NCALD: variants seen among roughly 807,000 people sequenced by gnomAD.
The protein encoded by NCALD is neurocalcin-delta.
NCALD carries 10 observed loss-of-function variants against 18.6 expected under a neutral mutation model. The observed-to-expected ratio is 0.54, with a 90% CI of 0.33 to 0.91. The LOEUF is 0.91. Among genes scored for constraint, NCALD ranks in the 40% least tolerant of loss-of-function variants. NCALD has a pLI of 0.03. For synonymous variants in NCALD, 88 were observed against 87.4 expected (o/e 1.01, Z -0.04); for missense variants, 184 against 247.6 (o/e 0.74, Z 1.72).
intron 2 of NCALD, 174 bp from the exon 3 acceptor site, chr8:101,693,070 C>A: frequency 1.9e-6 from 1 of 521,696 alleles, no homozygotes; most frequent in South Asian, 2.1e-5. Flanking sequence ...AAGCCGGGCC[C>A]ACAAAGCTTG....
intron 2 of NCALD, among the ~76,000 whole-genome samples, chr8:101,928,930 C>T (rs1407604344): frequency 5.3e-5 from 8 of 151,724 alleles, no homozygotes; most frequent in Admixed American, 2.6e-4. Flanking sequence ...GAAAGGGAGG[C>T]GTGCAGGGTG....
chr8:101,891,005 C>T (rs1381574723), intron 3 of NCALD, among the ~76,000 whole-genome samples: 2 of 152,160 alleles, frequency 1.3e-5, no homozygotes, highest in Non-Finnish European at 2.9e-5. Flanking sequence ...AGCTTGGGTA[C>T]ACCTTAGAAA....
chr8:102,034,563 A>T (rs750857909), intron 1 of NCALD, among the ~76,000 whole-genome samples: 9 of 152,190 alleles, frequency 5.9e-5, no homozygotes, highest in Admixed American at 1.3e-4. Context: ...GCAGCATGAC[A>T]CATTTCTCAG....
Position 101,688,634 on chromosome 8 carries a change from C to A in NCALD, c.*675G>T, listed in dbSNP as rs1034304375. The stretch of plus-strand genomic sequence containing the variant: ...ATGGGTCTGGTTTTGGAATATGTTA[C>A]CATTTGTGTTTAATTTCCAAAGACA... On this transcript the variant is annotated 3_prime_UTR_variant, in exon 4 of 4. Coordinates refer to ENST00000220931, the MANE Select transcript of NCALD (RefSeq NM_032041.3). The A allele has an allele frequency of 2.8e-5, 13 of 458,578 alleles. No homozygotes were observed. The highest frequency in any genetic ancestry group is 5.7e-5 in the Non-Finnish European group (13 of 228,496). 28.4% of individuals were successfully genotyped at this position (458,578 alleles called of 1,614,324 possible). A position where few individuals can be genotyped will look rare whatever the true frequency, so the allele number is the denominator to read the frequency against.
At chr8:101,787,839 C>G (rs542011779) in intron 1 of NCALD, among the ~76,000 whole-genome samples, 8 of 152,286 alleles carry the variant, frequency 5.3e-5, no homozygotes, top group African/African-American at 1.9e-4. Context: ...TCAATTCACA[C>G]GTGTATGTGC....
At chr8:101,900,534 T>C (rs113075862) in intron 3 of NCALD, among the ~76,000 whole-genome samples, 1,595 of 152,108 alleles carry the variant, frequency 0.01, 9 homozygotes, top group Non-Finnish European at 0.014. Context: ...CTGAGTCACA[T>C]AAATTTTGAT....
At chr8:101,697,071 G>T (rs1317914528) in intron 2 of NCALD, among the ~76,000 whole-genome samples, 3 of 151,232 alleles carry the variant, frequency 2.0e-5, no homozygotes, top group Non-Finnish European at 4.4e-5. Context: ...GAAGAAAAGA[G>T]AGAATAATCA....
intron 2 of NCALD, among the ~76,000 whole-genome samples, chr8:101,933,606 T>C (rs1000038500): frequency 6.6e-6 from 1 of 152,364 alleles, no homozygotes; most frequent in East Asian, 1.9e-4. Context: ...CCTCTCATCC[T>C]GCAACTGCCT....
chr8:101,826,495 T>A (rs546871722), intron 4 of NCALD, among the ~76,000 whole-genome samples: 1 of 152,342 alleles, frequency 6.6e-6, no homozygotes, highest in African/African-American at 2.4e-5. Flanking sequence ...GTTTTTAGCA[T>A]CATGCATAGT....
intron 4 of NCALD, among the ~76,000 whole-genome samples, chr8:101,824,427 A>G (rs1370890264): frequency 6.6e-6 from 1 of 152,154 alleles, no homozygotes; most frequent in Admixed American, 6.5e-5. Context: ...TCCCTTAATA[A>G]CAACTGTAGA....
intron 2 of NCALD, among the ~76,000 whole-genome samples, chr8:101,942,309 C>T (rs1818989976): frequency 6.6e-6 from 1 of 152,152 alleles, no homozygotes; most frequent in African/African-American, 2.4e-5. Flanking sequence ...TATTCAACAC[C>T]AATCTTGAGG....
At chr8:101,978,369 T>C (rs1241782683) in intron 2 of NCALD, among the ~76,000 whole-genome samples, 1 of 152,246 alleles carries the variant, frequency 6.6e-6, no homozygotes, top group Non-Finnish European at 1.5e-5. Context: ...CTCTCATTAC[T>C]GACACGGATT....
intron 1 of NCALD, among the ~76,000 whole-genome samples, chr8:102,071,327 C>T (rs1216113004): frequency 6.6e-6 from 1 of 152,162 alleles, no homozygotes; most frequent in East Asian, 1.9e-4. Context: ...GTTCACTGAT[C>T]ATATACAATA....
At chr8:101,843,829 G>A (rs1011229667) in intron 4 of NCALD, among the ~76,000 whole-genome samples, 1 of 151,994 alleles carries the variant, frequency 6.6e-6, no homozygotes. Context: ...TTATCTACCC[G>A]ACTCAGCCTC....
chr8:101,922,987 G>T (rs1818217846), intron 2 of NCALD, among the ~76,000 whole-genome samples: 1 of 152,078 alleles, frequency 6.6e-6, no homozygotes, highest in Admixed American at 6.6e-5. Context: ...TATGGACAAG[G>T]GGGGACTACT....
chr8:101,798,891 G>A (rs1812737942), intron 4 of NCALD, among the ~76,000 whole-genome samples: 2 of 152,270 alleles, frequency 1.3e-5, no homozygotes, highest in African/African-American at 4.8e-5. Context: ...ATCTGCAAAG[G>A]CAATTCAATG....
intron 3 of NCALD, among the ~76,000 whole-genome samples, chr8:101,890,050 C>G (rs998548861): frequency 2.0e-5 from 3 of 152,062 alleles, no homozygotes; most frequent in African/African-American, 7.2e-5. Flanking sequence ...TGCATTCATC[C>G]AAAGGTACAA....
intron 1 of NCALD, among the ~76,000 whole-genome samples, chr8:101,751,061 C>T (rs930490708): frequency 2.0e-5 from 3 of 152,148 alleles, no homozygotes; most frequent in African/African-American, 7.2e-5. Context: ...CTGTTACAAA[C>T]CACACATAGC....
intron 1 of NCALD, among the ~76,000 whole-genome samples, chr8:102,043,078 C>T (rs1055389710): frequency 6.6e-6 from 1 of 151,930 alleles, no homozygotes. Flanking sequence ...TCAATCTGCT[C>T]TGTCGATGCA....
Sources: allele counts gnomAD v4.1 joint callset (sites outside exome capture counted in the v4.1 genomes callset), GRCh38; gene constraint gnomAD v4.1.1; transcripts MANE v1.5; gene names NCBI Gene and HGNC (gene_info 2026-07-23, HGNC 2026-07-21).